The following PLCB1 variants were observed in gnomAD, a reference collection of about 807,000 sequenced individuals.
PLCB1 encodes the protein phospholipase C beta 1.
In PLCB1, 46 loss-of-function variants were observed where a neutral mutation model predicts 161.8. The observed-to-expected ratio is 0.28, with a 90% CI of 0.22 to 0.36. PLCB1 has a LOEUF of 0.36. PLCB1 is among the 10% of genes least tolerant of loss of function. The pLI, the probability that PLCB1 is intolerant of heterozygous loss-of-function variation, is 1.00. For synonymous variants in PLCB1, 517 were observed against 503.7 expected (o/e 1.03, Z -0.35); for missense variants, 1,016 against 1,472.5 (o/e 0.69, Z 5.07).
chr20:8,872,553 C>G (rs557808636), intron 31 of PLCB1, among the ~76,000 whole-genome samples: 1 of 152,104 alleles, frequency 6.6e-6, no homozygotes, highest in African/African-American at 2.4e-5. Flanking sequence ...CCGAGGAACC[C>G]GAACATTCTG....
intron 3 of PLCB1, among the ~76,000 whole-genome samples, chr20:8,402,550 C>T (rs2662988): frequency 0.25 from 37,739 of 151,744 alleles, 4,969 homozygotes; most frequent in Middle Eastern, 0.3. Flanking sequence ...AAAATAGTTT[C>T]CAGGCCGGGC....
chr20:8,141,526 G>A (rs1484006240), intron 1 of PLCB1, among the ~76,000 whole-genome samples: 2 of 151,642 alleles, frequency 1.3e-5, no homozygotes, highest in African/African-American at 4.9e-5. Context: ...GAGAGGCTGA[G>A]GCAGAAGAAT....
chr20:8,169,777 T>G (rs1460365809), intron 2 of PLCB1, among the ~76,000 whole-genome samples: 1 of 152,128 alleles, frequency 6.6e-6, no homozygotes, highest in Non-Finnish European at 1.5e-5. Flanking sequence ...GTGGTGCATG[T>G]GGCCTAGTCT....
chr20:8,523,986 A>G (rs1265970351), intron 3 of PLCB1, among the ~76,000 whole-genome samples: 2 of 152,166 alleles, frequency 1.3e-5, no homozygotes, highest in Non-Finnish European at 2.9e-5. Context: ...TGGTTAATCA[A>G]CTGATTGATT....
chr20:8,545,372 T>A (rs1001990497), intron 3 of PLCB1, among the ~76,000 whole-genome samples: 1 of 152,182 alleles, frequency 6.6e-6, no homozygotes, highest in Non-Finnish European at 1.5e-5. Context: ...CATGCTAGCC[T>A]TTCTAGGCTG....
intron 2 of PLCB1, among the ~76,000 whole-genome samples, chr20:8,282,398 A>T (rs898590814): frequency 1.3e-5 from 2 of 152,180 alleles, no homozygotes; most frequent in African/African-American, 4.8e-5. Context: ...GTAAAAGAAA[A>T]GCCTTTGGTT....
At chr20:8,523,706 A>G (rs1259288441) in intron 3 of PLCB1, among the ~76,000 whole-genome samples, 1 of 151,382 alleles carries the variant, frequency 6.6e-6, no homozygotes, top group Admixed American at 6.6e-5. Flanking sequence ...TTTTAAACCC[A>G]CTAAAAGGGG....
At chr20:8,492,988 A>C (rs552823346) in intron 3 of PLCB1, among the ~76,000 whole-genome samples, 1 of 152,282 alleles carries the variant, frequency 6.6e-6, no homozygotes, top group East Asian at 1.9e-4. Flanking sequence ...CAGATAAAAT[A>C]AAATTCCCTT....
intron 2 of PLCB1, among the ~76,000 whole-genome samples, chr20:8,226,105 C>G (rs1979666750): frequency 6.6e-6 from 1 of 152,124 alleles, no homozygotes; most frequent in African/African-American, 2.4e-5. Context: ...TAATGTCAAG[C>G]CAGGTCTTCT....
chr20:8,558,721 C>A (rs1478276924), intron 3 of PLCB1, among the ~76,000 whole-genome samples: 1 of 151,674 alleles, frequency 6.6e-6, no homozygotes, highest in Non-Finnish European at 1.5e-5. Context: ...AAATGATCTT[C>A]AATGAAATTA....
At chr20:8,211,562 G>A (rs1978823161) in intron 2 of PLCB1, among the ~76,000 whole-genome samples, 1 of 152,074 alleles carries the variant, frequency 6.6e-6, no homozygotes, top group African/African-American at 2.4e-5. Flanking sequence ...TGAAGTTGTA[G>A]GGATATAGAT....
chr20:8,720,126 C>G (rs553033045), intron 14 of PLCB1, among the ~76,000 whole-genome samples: 9 of 152,168 alleles, frequency 5.9e-5, no homozygotes, highest in Non-Finnish European at 1.3e-4. Context: ...TCATTCACAC[C>G]TATTTCCTAA....
intron 25 of PLCB1, among the ~76,000 whole-genome samples, chr20:8,761,149 TCA>T (rs2123573935): frequency 6.6e-6 from 1 of 152,250 alleles, no homozygotes; most frequent in South Asian, 2.1e-4. Context: ...TAAACTCAAG[TCA>T]CACACAACAT....
intron 3 of PLCB1, among the ~76,000 whole-genome samples, chr20:8,390,186 C>T (rs1406970571): frequency 6.6e-6 from 1 of 152,196 alleles, no homozygotes; most frequent in Non-Finnish European, 1.5e-5. Flanking sequence ...TATTCTCTCA[C>T]AATTCTGGGA....
chr20:8,478,671 T>C (rs1982379705), intron 3 of PLCB1, among the ~76,000 whole-genome samples: 1 of 152,160 alleles, frequency 6.6e-6, no homozygotes. Flanking sequence ...GAAGGTAGCT[T>C]TGAAAACAAG....
chr20:8,761,043 A>G (rs1455265466), intron 25 of PLCB1, among the ~76,000 whole-genome samples: 1 of 152,216 alleles, frequency 6.6e-6, no homozygotes, highest in African/African-American at 2.4e-5. Context: ...GGTAAGGGCC[A>G]AATCTAGAAA....
intron 2 of PLCB1, among the ~76,000 whole-genome samples, chr20:8,230,467 T>G (rs914219512): frequency 1.3e-5 from 2 of 152,188 alleles, no homozygotes; most frequent in African/African-American, 4.8e-5. Flanking sequence ...CAATGTATCA[T>G]TGTTAGGTAT....
At chr20:8,616,175 G>A (rs1251138613) in intron 3 of PLCB1, among the ~76,000 whole-genome samples, 1 of 152,156 alleles carries the variant, frequency 6.6e-6, no homozygotes, top group African/African-American at 2.4e-5. Flanking sequence ...GCCATTTGGT[G>A]GCTTCCCCTT....
At chr20:8,693,416 CA>C (rs2123418652) in intron 10 of PLCB1, among the ~76,000 whole-genome samples, 1 of 152,252 alleles carries the variant, frequency 6.6e-6, no homozygotes, top group South Asian at 2.1e-4. Flanking sequence ...GAAATCAGAT[CA>C]AACAGATGCA....
Sources: gnomAD v4.1 joint callset for allele counts (sites outside exome capture counted in the v4.1 genomes callset) on GRCh38, gnomAD v4.1.1 for gene constraint, MANE v1.5 for transcripts, NCBI Gene and HGNC (gene_info 2026-07-23, HGNC 2026-07-21) for gene names.